The following SUMF1 variants were observed in gnomAD, a reference collection of about 807,000 sequenced individuals.
SUMF1 encodes the protein formylglycine-generating enzyme.
Under a neutral mutation model 47.6 loss-of-function variants are expected in SUMF1, and 48 were observed. The observed-to-expected ratio is 1.01, with a 90% confidence interval of 0.80 to 1.28. The LOEUF (loss-of-function observed/expected upper bound fraction) is 1.28, where lower values mean the gene tolerates loss of function less well. Ranked by LOEUF, SUMF1 falls within the 50% of genes most tolerant of loss-of-function variation. The pLI is 0.00. For synonymous variants in SUMF1, 230 were observed against 192.1 expected (o/e 1.20, Z -1.63); for missense variants, 571 against 485.4 (o/e 1.18, Z -1.66).
At chr3:4,421,925 C>T (rs1238332698) in intron 3 of SUMF1, among the ~76,000 whole-genome samples, 1 of 152,218 alleles carries the variant, frequency 6.6e-6, no homozygotes, top group Non-Finnish European at 1.5e-5. Context: ...TCCCTGCTAA[C>T]AATTACAGCA....
At chr3:4,268,553 G>A (rs1192481749) in intron 8 of SUMF1, among the ~76,000 whole-genome samples, 1 of 112,536 alleles carries the variant, frequency 8.9e-6, no homozygotes, top group Non-Finnish European at 1.7e-5. Flanking sequence ...ACACAGTTGT[G>A]TGATAGCTTC....
intron 8 of SUMF1, among the ~76,000 whole-genome samples, chr3:4,138,218 C>T (rs970747603): frequency 2.0e-5 from 3 of 152,082 alleles, no homozygotes; most frequent in Admixed American, 6.6e-5. Context: ...GACAACACTA[C>T]CCAAGGTGAT....
rs1694836934 is a variant in SUMF1 at position 4,038,240 on chromosome 3, G to T, written c.1191+30329C>A. Among the ~76,000 whole-genome samples the T allele has an allele frequency of 2.0e-5, 3 of 152,136 alleles. No homozygotes were observed. The South Asian group carries it at 6.2e-4, about 32-fold the overall frequency. ...GGGGCTCCACCCCAGAGATATGCAG[G>T]TCAGCAATCGCTCACTGCAATCAGC... On this transcript the variant is annotated intron_variant and NMD_transcript_variant, in intron 9 of 12. Coordinates refer to the SUMF1 transcript ENST00000448413.
intron 9 of SUMF1, among the ~76,000 whole-genome samples, chr3:4,060,584 AAC>A (rs1695261707): frequency 6.6e-6 from 1 of 152,178 alleles, no homozygotes; most frequent in African/African-American, 2.4e-5. Context: ...TTAACATTCA[AAC>A]ACATTTTGAA....
intron 7 of SUMF1, among the ~76,000 whole-genome samples, chr3:4,383,693 T>A (rs1286062271): frequency 6.6e-6 from 1 of 152,172 alleles, no homozygotes; most frequent in Non-Finnish European, 1.5e-5. Context: ...AAGCTCAGGA[T>A]TCTCCGGCTG....
At chr3:4,104,595 C>G (rs1304030832) in intron 8 of SUMF1, among the ~76,000 whole-genome samples, 1 of 151,976 alleles carries the variant, frequency 6.6e-6, no homozygotes, top group East Asian at 1.9e-4. Context: ...GATACCCACC[C>G]TGCTGGGCCA....
chr3:4,458,892 A>C (rs1010732973), intron 1 of SUMF1, among the ~76,000 whole-genome samples: 5 of 152,180 alleles, frequency 3.3e-5, no homozygotes, highest in Non-Finnish European at 5.9e-5. Context: ...GTCATTTATG[A>C]CAGCATGGAT....
chr3:4,452,572 T>C (rs1234676710), intron 2 of SUMF1, among the ~76,000 whole-genome samples: 1 of 152,202 alleles, frequency 6.6e-6, no homozygotes. Context: ...TAACACAATA[T>C]AGCATAATAG....
intron 8 of SUMF1, among the ~76,000 whole-genome samples, chr3:4,269,659 C>A (rs1297031282): frequency 1.3e-5 from 2 of 152,018 alleles, no homozygotes; most frequent in African/African-American, 4.8e-5. Context: ...TCCTGATAAT[C>A]AAAAATTCAC....
At chr3:4,310,145 T>G (rs749366971) in intron 8 of SUMF1, among the ~76,000 whole-genome samples, 26 of 152,236 alleles carry the variant, frequency 1.7e-4, no homozygotes, top group Non-Finnish European at 3.2e-4. Context: ...ACTACCATTG[T>G]ATATGCATAT....
intron 1 of SUMF1, among the ~76,000 whole-genome samples, chr3:4,459,556 T>G (rs2079755875): frequency 6.6e-6 from 1 of 152,228 alleles, no homozygotes; most frequent in Non-Finnish European, 1.5e-5. Context: ...ATGCGTGTAC[T>G]TCCCAATAAA....
At position 4,263,140 on chromosome 3, in the gene SUMF1, AGG is replaced by A. The variant is rs199982010; in HGVS notation, c.1014+113188_1014+113189del. ...TGGAGATATGATCATGTAAAGGTCA[AGG>A]GTTTCCTGCAGAATAAGAAAATCTC... On this transcript the variant is annotated intron_variant and NMD_transcript_variant, in intron 8 of 12. Transcript: ENST00000448413. Among the ~76,000 whole-genome samples the A allele has an allele frequency of 8.8e-3, 1,343 of 152,320 alleles. 8 individuals carry two copies. Among genetic ancestry groups the A allele is most frequent in the Middle Eastern group, 0.024 (7 of 294 alleles).
chr3:4,446,113 G>A (rs1270559630), intron 3 of SUMF1, among the ~76,000 whole-genome samples: 1 of 152,178 alleles, frequency 6.6e-6, no homozygotes, highest in Non-Finnish European at 1.5e-5. Context: ...CTTTATGAAA[G>A]TATCTCCATT....
At chr3:4,086,201 T>C (rs1352516204) in intron 8 of SUMF1, among the ~76,000 whole-genome samples, 2 of 149,230 alleles carry the variant, frequency 1.3e-5, no homozygotes, top group Non-Finnish European at 3.0e-5. Context: ...GCAGTGTTTA[T>C]ACACTTAGAA....
At chr3:4,277,041 A>T (rs1158344613) in intron 8 of SUMF1, among the ~76,000 whole-genome samples, 1 of 152,142 alleles carries the variant, frequency 6.6e-6, no homozygotes, top group Non-Finnish European at 1.5e-5. Context: ...AAGACTTTGG[A>T]GATAATCTAA....
intron 8 of SUMF1, chr3:4,229,192 C>G: frequency 4.7e-6 from 1 of 215,032 alleles, no homozygotes; most frequent in South Asian, 6.0e-5. Context: ...CTCTCACTGG[C>G]TGGTCTAAAC....
chr3:4,143,081 G>A (rs529708805), intron 8 of SUMF1, among the ~76,000 whole-genome samples: 43 of 152,170 alleles, frequency 2.8e-4, no homozygotes, highest in African/African-American at 8.7e-4. Flanking sequence ...AGCCTCGATC[G>A]GCTATTTGTG....
intron 8 of SUMF1, among the ~76,000 whole-genome samples, chr3:4,238,534 T>C (rs1365749069): frequency 1.3e-5 from 2 of 152,032 alleles, no homozygotes; most frequent in African/African-American, 4.8e-5. Flanking sequence ...CCAGTGACGA[T>C]GAGTTTTTCA....
At chr3:4,174,473 G>A (rs1324211722) in intron 8 of SUMF1, among the ~76,000 whole-genome samples, 2 of 152,006 alleles carry the variant, frequency 1.3e-5, no homozygotes, top group South Asian at 2.1e-4. Context: ...GGAGGCCAAG[G>A]CAAGCAAATC....
Sources: allele counts gnomAD v4.1 joint callset (sites outside exome capture counted in the v4.1 genomes callset), GRCh38; gene constraint gnomAD v4.1.1; transcripts MANE v1.5; gene names NCBI Gene and HGNC (gene_info 2026-07-23, HGNC 2026-07-21).